Variants in ZNF385D observed in about 807,000 individuals in gnomAD.
ZNF385D encodes the protein zinc finger protein 385D, also known as zinc finger protein 659.
In ZNF385D, 15 loss-of-function variants were observed where a neutral mutation model predicts 35.8. That is an observed-to-expected ratio of 0.42 (90% CI 0.28 to 0.64). ZNF385D has a LOEUF of 0.64. Among genes scored for constraint, ZNF385D ranks in the 30% least tolerant of loss-of-function variants. ZNF385D has a pLI of 0.23. For synonymous variants in ZNF385D, 212 were observed against 186.8 expected (o/e 1.13, Z -1.10); for missense variants, 474 against 494.6 (o/e 0.96, Z 0.39).
At chr3:22,149,489 G>C (rs2125716619) in intron 3 of ZNF385D, among the ~76,000 whole-genome samples, 1 of 152,262 alleles carries the variant, frequency 6.6e-6, no homozygotes, top group African/African-American at 2.4e-5. Context: ...TTAAGACACA[G>C]ATTGCTTGGC....
At chr3:21,821,467 C>G (rs943500365) in intron 3 of ZNF385D, among the ~76,000 whole-genome samples, 1 of 152,006 alleles carries the variant, frequency 6.6e-6, no homozygotes, top group African/African-American at 2.4e-5. Flanking sequence ...TTAAAAAATA[C>G]AGCAAACATA....
At position 21,743,531 on chromosome 3, in the gene ZNF385D, C is replaced by T. The variant is rs1450035352; in HGVS notation, c.22+7364G>A. Among the ~76,000 whole-genome samples, 5 of 152,326 alleles carry T rather than the reference C, an allele frequency of 3.3e-5. No homozygotes were observed. The East Asian group carries it at 9.7e-4, about 29-fold the overall frequency. On this transcript the variant is annotated intron_variant, in intron 1 of 7. Transcript: ENST00000281523. ...GGCAGTCCAAGTTCAAGGCGTAGGC[C>T]TGGTTTGGTTTTGGTTAGGCTTTCT...
chr3:22,111,463 C>T (rs1342528012), intron 3 of ZNF385D, among the ~76,000 whole-genome samples: 4 of 151,968 alleles, frequency 2.6e-5, no homozygotes, highest in African/African-American at 9.7e-5. Context: ...CTGGGGTACG[C>T]ACATGGTGAC....
chr3:21,482,238 T>A (rs1022632933), intron 4 of ZNF385D, among the ~76,000 whole-genome samples: 32 of 151,952 alleles, frequency 2.1e-4, no homozygotes, highest in African/African-American at 7.5e-4. Context: ...GATCACTCAA[T>A]TCTCTAAATC....
At chr3:21,989,104 C>G (rs1694998472) in intron 3 of ZNF385D, among the ~76,000 whole-genome samples, 1 of 152,152 alleles carries the variant, frequency 6.6e-6, no homozygotes, top group Admixed American at 6.5e-5. Flanking sequence ...ATGCAGAAAT[C>G]ACCCGTCTTC....
chr3:21,815,254 C>T (rs948251802), intron 3 of ZNF385D, among the ~76,000 whole-genome samples: 6 of 152,088 alleles, frequency 3.9e-5, no homozygotes, highest in Non-Finnish European at 7.4e-5. Flanking sequence ...AATTGACACC[C>T]TAACATCACA....
chr3:22,097,726 AAGC>A (rs1417029433), intron 3 of ZNF385D, among the ~76,000 whole-genome samples: 1 of 152,022 alleles, frequency 6.6e-6, no homozygotes. Flanking sequence ...GTGCTTGGAG[AAGC>A]AGCAGCAGCA....
chr3:21,839,728 T>C (rs1042341092), intron 3 of ZNF385D, among the ~76,000 whole-genome samples: 1 of 152,012 alleles, frequency 6.6e-6, no homozygotes, highest in African/African-American at 2.4e-5. Context: ...TTTGGAACAT[T>C]TCCCAGATGC....
intron 2 of ZNF385D, among the ~76,000 whole-genome samples, chr3:22,241,484 G>A (rs773707911): frequency 6.6e-6 from 1 of 151,174 alleles, no homozygotes; most frequent in Non-Finnish European, 1.5e-5. Context: ...CACTGACTCA[G>A]TTTCCAAATC....
intron 1 of ZNF385D, among the ~76,000 whole-genome samples, chr3:21,714,724 C>T (rs186166574): frequency 1.2e-4 from 19 of 152,322 alleles, no homozygotes; most frequent in Middle Eastern, 3.4e-3. Context: ...CTCCAGCTAA[C>T]ACTTCATTCT....
intron 3 of ZNF385D, among the ~76,000 whole-genome samples, chr3:22,152,727 C>T (rs1705318953): frequency 6.6e-6 from 1 of 152,182 alleles, no homozygotes; most frequent in African/African-American, 2.4e-5. Flanking sequence ...CATCTCAAGA[C>T]CATGAATTTG....
chr3:22,339,499 A>G (rs755962195), intron 2 of ZNF385D, among the ~76,000 whole-genome samples: 3 of 152,240 alleles, frequency 2.0e-5, no homozygotes, highest in Non-Finnish European at 4.4e-5. Flanking sequence ...CCAATAAAGT[A>G]CATATGCAGT....
intron 1 of ZNF385D, among the ~76,000 whole-genome samples, chr3:21,724,938 A>G (rs932049612): frequency 2.0e-5 from 3 of 152,142 alleles, no homozygotes; most frequent in African/African-American, 7.2e-5. Context: ...TGGAAGTAAA[A>G]CACCCTTAGC....
At chr3:21,817,689 G>C (rs896392562) in intron 3 of ZNF385D, among the ~76,000 whole-genome samples, 1 of 152,190 alleles carries the variant, frequency 6.6e-6, no homozygotes, top group African/African-American at 2.4e-5. Flanking sequence ...GTGCTGGAGA[G>C]GATGTGGAGA....
chr3:21,478,770 A>T (rs536090221), intron 4 of ZNF385D, among the ~76,000 whole-genome samples: 2 of 152,274 alleles, frequency 1.3e-5, no homozygotes, highest in African/African-American at 4.8e-5. Flanking sequence ...ATTCAAGTTT[A>T]TGACTATCTT....
At chr3:21,708,254 G>A (rs1207221418) in intron 1 of ZNF385D, among the ~76,000 whole-genome samples, 1 of 152,180 alleles carries the variant, frequency 6.6e-6, no homozygotes, top group South Asian at 2.1e-4. Flanking sequence ...TAACTGCTAA[G>A]AACTTATTAT....
chr3:21,547,111 C>T (rs1462811168), intron 3 of ZNF385D, among the ~76,000 whole-genome samples: 4 of 152,106 alleles, frequency 2.6e-5, no homozygotes, highest in Non-Finnish European at 5.9e-5. Context: ...ATTCCTTTCT[C>T]CTCGGATCCT....
intron 3 of ZNF385D, among the ~76,000 whole-genome samples, chr3:22,131,134 AAAG>A (rs1035453646): frequency 1.1e-4 from 17 of 152,308 alleles, no homozygotes; most frequent in African/African-American, 3.6e-4. Context: ...TGGAAAAAAC[AAAG>A]AAGAATTCCA....
chr3:22,279,562 ACATATATATGTATATACATATACATAT>A, intron 2 of ZNF385D, among the ~76,000 whole-genome samples: 1 of 141,282 alleles, frequency 7.1e-6, no homozygotes, highest in Middle Eastern at 3.6e-3. Flanking sequence ...ATACATATGT[ACATATATATGTATATACATATACATAT>A]GTACATATAT....
Sources: allele counts gnomAD v4.1 joint callset (sites outside exome capture counted in the v4.1 genomes callset), GRCh38; gene constraint gnomAD v4.1.1; transcripts MANE v1.5; gene names NCBI Gene and HGNC (gene_info 2026-07-23, HGNC 2026-07-21).